The following TLN2 variants were observed in gnomAD, a reference collection of about 807,000 sequenced individuals.
TLN2 encodes talin-2.
Under a neutral mutation model 294.7 loss-of-function variants are expected in TLN2, and 118 were observed. The observed-to-expected ratio is 0.40, with a 90% confidence interval of 0.34 to 0.47. The LOEUF is 0.47. Ranked by LOEUF, TLN2 falls within the 20% of genes least tolerant of loss-of-function variation. TLN2 has a pLI of 0.84. For synonymous variants in TLN2, 1,431 were observed against 1,304.5 expected (o/e 1.10, Z -2.09); for missense variants, 3,083 against 3,282.2 (o/e 0.94, Z 1.48).
chr15:62,490,860 C>G (rs1312014151), intron 1 of TLN2, among the ~76,000 whole-genome samples: 1 of 152,182 alleles, frequency 6.6e-6, no homozygotes, highest in Non-Finnish European at 1.5e-5. Context: ...ACCTTTAACA[C>G]TGAACCCCCC....
chr15:62,404,480 A>G (rs1388189030), intron 1 of TLN2, among the ~76,000 whole-genome samples: 1 of 152,126 alleles, frequency 6.6e-6, no homozygotes. Flanking sequence ...ATTTGAGCTC[A>G]TTGGGGAGTT....
intron 1 of TLN2, among the ~76,000 whole-genome samples, chr15:62,503,698 T>G (rs1043476553): frequency 7.2e-5 from 11 of 152,264 alleles, no homozygotes; most frequent in African/African-American, 2.7e-4. Flanking sequence ...CTTTGCCAGC[T>G]TGTGGCCTTT....
chr15:62,724,491 T>C (rs1312796477), intron 26 of TLN2, among the ~76,000 whole-genome samples: 1 of 152,236 alleles, frequency 6.6e-6, no homozygotes, highest in Admixed American at 6.5e-5. Context: ...AAAAATATTT[T>C]GTAATCTTCA....
At chr15:62,397,834 A>G (rs1009400856) in intron 1 of TLN2, among the ~76,000 whole-genome samples, 3 of 152,024 alleles carry the variant, frequency 2.0e-5, no homozygotes, top group Non-Finnish European at 4.4e-5. Flanking sequence ...CCTGTGGATC[A>G]CCCAGAGAGG....
intron 43 of TLN2, among the ~76,000 whole-genome samples, chr15:62,780,190 A>C (rs377289969): frequency 1.9e-4 from 29 of 152,206 alleles, no homozygotes; most frequent in African/African-American, 7.0e-4. Context: ...TGCCTGTATT[A>C]ATTTCTGTTC....
chr15:62,559,818 G>A (rs1027769224), intron 1 of TLN2, among the ~76,000 whole-genome samples: 5 of 152,086 alleles, frequency 3.3e-5, no homozygotes, highest in African/African-American at 1.2e-4. Flanking sequence ...CTCTTTTGGT[G>A]GGGGGGTGTG....
intron 1 of TLN2, among the ~76,000 whole-genome samples, chr15:62,406,342 G>A (rs570362187): frequency 6.6e-6 from 1 of 152,298 alleles, no homozygotes; most frequent in Admixed American, 6.5e-5. Context: ...CCCCAAAGTG[G>A]GGCTTAGTCC....
chr15:62,667,097 C>T (rs919826152), intron 9 of TLN2, among the ~76,000 whole-genome samples: 1 of 152,138 alleles, frequency 6.6e-6, no homozygotes, highest in Non-Finnish European at 1.5e-5. Context: ...TCCCGAGTAG[C>T]TGGGACTACA....
At chr15:62,567,443 A>T (rs1425877882) in intron 1 of TLN2, among the ~76,000 whole-genome samples, 1 of 152,210 alleles carries the variant, frequency 6.6e-6, no homozygotes, top group Non-Finnish European at 1.5e-5. Context: ...GTCATGAGGC[A>T]CCTGGAGGCC....
At chr15:62,664,122 T>C (rs1047900224) in intron 9 of TLN2, among the ~76,000 whole-genome samples, 4 of 151,924 alleles carry the variant, frequency 2.6e-5, no homozygotes, top group Non-Finnish European at 5.9e-5. Flanking sequence ...GAGTATCTTA[T>C]TAGGAAAAGA....
chr15:62,658,172 T>TA (rs1555459680), intron 9 of TLN2: 1,573 of 86,798 alleles, frequency 0.018, 3 homozygotes, highest in South Asian at 0.044. Flanking sequence ...AAGAGGAAAG[T>TA]AAAAAAAAAA....
intron 52 of TLN2, among the ~76,000 whole-genome samples, chr15:62,811,554 G>T (rs1250578452): frequency 3.3e-5 from 5 of 152,190 alleles, no homozygotes; most frequent in Non-Finnish European, 5.9e-5. Context: ...AGTAGATTTA[G>T]AAGCCTCAAG....
chr15:62,505,999 A>C (rs1235860294), intron 1 of TLN2, among the ~76,000 whole-genome samples: 1 of 152,222 alleles, frequency 6.6e-6, no homozygotes, highest in African/African-American at 2.4e-5. Context: ...AACTAATATC[A>C]AGAGAGCATT....
chr15:62,721,574 C>T (rs1177661211), intron 25 of TLN2, among the ~76,000 whole-genome samples: 1 of 151,920 alleles, frequency 6.6e-6, no homozygotes, highest in Non-Finnish European at 1.5e-5. Flanking sequence ...CTTGTTGGAA[C>T]TTTTCTAAGT....
intron 29 of TLN2, 34 bp downstream of exon 29, chr15:62,737,120 G>C: frequency 3.1e-6 from 5 of 1,610,046 alleles, no homozygotes; most frequent in Non-Finnish European, 4.2e-6. Flanking sequence ...TGGTTGTCAT[G>C]GTCATCATTA....
At chr15:62,835,638 G>T in intron 55 of TLN2, 99 bp from the exon 56 acceptor site, 1 of 1,329,702 alleles carries the variant, frequency 7.5e-7, no homozygotes, top group Non-Finnish European at 1.1e-6. Context: ...GGCACCAAGC[G>T]GGGTACAAGT....
intron 4 of TLN2, 148 bp from the exon 5 acceptor site, chr15:62,649,936 T>C (rs2052395830): frequency 2.8e-6 from 2 of 714,788 alleles, no homozygotes; most frequent in African/African-American, 3.5e-5. Context: ...CCAGCCCTGA[T>C]GGCTGCTTGT....
chr15:62,554,433 T>C (rs1008581623), intron 1 of TLN2, among the ~76,000 whole-genome samples: 1 of 151,134 alleles, frequency 6.6e-6, no homozygotes, highest in African/African-American at 2.4e-5. Flanking sequence ...TAGTTTTAAC[T>C]TAAGATGACT....
chr15:62,787,511 TTTC>T lies in TLN2; in HGVS notation c.5736+3624_5736+3626del, dbSNP rs1470778243. ...TTCGACAAAAAAAGAATTGAGGGTT[TTTC>T]TTGAGTCTCAAGTAACACTTTTCTA... On this transcript the variant is annotated intron_variant, in intron 45 of 58. Transcript: ENST00000636159. Among the ~76,000 whole-genome samples the T allele has an allele frequency of 2.6e-5, 4 of 152,154 alleles. No individual in the cohort carries two copies. The South Asian group carries it at 8.3e-4, about 32-fold the overall frequency.
Sources: allele counts gnomAD v4.1 joint callset (sites outside exome capture counted in the v4.1 genomes callset), GRCh38; gene constraint gnomAD v4.1.1; transcripts MANE v1.5; gene names NCBI Gene and HGNC (gene_info 2026-07-23, HGNC 2026-07-21).